Variants in ATXN7 observed in about 807,000 individuals in gnomAD.
ATXN7 encodes the protein ataxin-7.
Under a neutral mutation model 70.5 loss-of-function variants are expected in ATXN7, and 12 were observed. That is an observed-to-expected ratio of 0.17 (90% CI 0.11 to 0.28). The LOEUF (loss-of-function observed/expected upper bound fraction) is 0.28, where lower values mean the gene tolerates loss of function less well. Ranked by LOEUF, ATXN7 falls within the 10% of genes least tolerant of loss-of-function variation. ATXN7 has a pLI of 1.00. For missense variants in ATXN7, 1,256 were observed against 1,131.7 expected, an observed-to-expected ratio of 1.11 and a Z score of -1.58; for synonymous variants, 498 against 448.7, an observed-to-expected ratio of 1.11 and a Z score of -1.39.
intron 1 of ATXN7, among the ~76,000 whole-genome samples, chr3:63,869,792 A>G (rs1702543409): frequency 6.6e-6 from 1 of 152,178 alleles, no homozygotes; most frequent in African/African-American, 2.4e-5. Flanking sequence ...GACCTTCTGG[A>G]ACCATCTTAC....
chr3:63,951,453 T>G (rs751115418), intron 4 of ATXN7, among the ~76,000 whole-genome samples: 29 of 152,220 alleles, frequency 1.9e-4, no homozygotes, highest in Non-Finnish European at 3.7e-4. Flanking sequence ...CTACTAAAAC[T>G]TTTGCTTAAA....
intron 4 of ATXN7, among the ~76,000 whole-genome samples, chr3:63,935,042 G>A (rs2074633167): frequency 6.6e-6 from 1 of 152,110 alleles, no homozygotes; most frequent in African/African-American, 2.4e-5. Context: ...TATATAGAAA[G>A]CCCTGAGCAC....
chr3:63,990,530 A>C, intron 10 of ATXN7, 156 bp downstream of exon 10: 1 of 1,149,844 alleles, frequency 8.7e-7, no homozygotes, highest in Non-Finnish European at 1.2e-6. Flanking sequence ...GGCAGCACAC[A>C]CTCTGTACGG....
chr3:63,973,131 T>C (rs2075340599), intron 5 of ATXN7, among the ~76,000 whole-genome samples: 1 of 152,192 alleles, frequency 6.6e-6, no homozygotes, highest in Non-Finnish European at 1.5e-5. Flanking sequence ...GGTCACCCAA[T>C]TAGTAACTGG....
chr3:63,973,633 G>A (rs1348443496), intron 5 of ATXN7, among the ~76,000 whole-genome samples: 1 of 152,122 alleles, frequency 6.6e-6, no homozygotes, highest in Non-Finnish European at 1.5e-5. Flanking sequence ...TGTTAAGGTT[G>A]TACCTGCGTT....
chr3:63,913,294 C>T (rs557833023), intron 4 of ATXN7, 69 bp downstream of exon 4: 41 of 1,473,784 alleles, frequency 2.8e-5, no homozygotes, highest in South Asian at 2.6e-4. Flanking sequence ...TCACTGGGAC[C>T]GGGAACATCA....
At chr3:63,922,730 T>C (rs1230568618) in intron 4 of ATXN7, among the ~76,000 whole-genome samples, 1 of 152,200 alleles carries the variant, frequency 6.6e-6, no homozygotes, top group Admixed American at 6.5e-5. Flanking sequence ...TTTTCAGTTC[T>C]TGGAAATTTC....
At chr3:63,938,201 A>G (rs557313585) in intron 4 of ATXN7, among the ~76,000 whole-genome samples, 1 of 152,204 alleles carries the variant, frequency 6.6e-6, no homozygotes, top group Non-Finnish European at 1.5e-5. Context: ...CGGGAAGGAC[A>G]AATAGTGAAA....
At chr3:63,973,127 C>T (rs2075340532) in intron 5 of ATXN7, among the ~76,000 whole-genome samples, 1 of 152,262 alleles carries the variant, frequency 6.6e-6, no homozygotes, top group South Asian at 2.1e-4. Flanking sequence ...CCAGGGTCAC[C>T]CAATTAGTAA....
chr3:63,933,692 G>A (rs1340712799), intron 4 of ATXN7, among the ~76,000 whole-genome samples: 1 of 152,200 alleles, frequency 6.6e-6, no homozygotes, highest in African/African-American at 2.4e-5. Context: ...AAAAAGGGAA[G>A]TAAAATTTCC....
In ATXN7 at chr3:63,912,645, C is replaced by T; in HGVS notation, c.47C>T (p.Ala16Val). 2 of 985,496 alleles carry T rather than the reference C, an allele frequency of 2.0e-6. No homozygotes were observed. Among genetic ancestry groups the T allele is most frequent in the Non-Finnish European group, 2.4e-6 (2 of 817,504 alleles). 61.0% of individuals were successfully genotyped at this position (985,496 alleles called of 1,614,324 possible). ...GACGTCAGGGGGGAGCCGCGCCGCGCGGCGGCGGCGGCGGGCGGAGCAGCG... is the reference window on the plus strand; with the variant it reads ...GACGTCAGGGGGGAGCCGCGCCGCGTGGCGGCGGCGGCGGGCGGAGCAGCG... ...ADDVRGEPRR[A>V]AAAAGGAAAA... The change falls in exon 3 of 13, where the codon GCG becomes GTG. Residue 16 changes from alanine to valine, a missense_variant. Coordinates refer to ENST00000674280, the MANE Select transcript of ATXN7 (RefSeq NM_001377405.1).
intron 4 of ATXN7, among the ~76,000 whole-genome samples, chr3:63,937,415 T>C (rs77589516): frequency 0.024 from 3,584 of 152,270 alleles, 77 homozygotes; most frequent in African/African-American, 0.059. Context: ...AATGAACATA[T>C]TTGGAACTCA....
chr3:63,937,912 A>T (rs1575922667), intron 4 of ATXN7, among the ~76,000 whole-genome samples: 1 of 152,230 alleles, frequency 6.6e-6, no homozygotes, highest in Non-Finnish European at 1.5e-5. Context: ...GGATTACGTA[A>T]CATAAAGCAT....
intron 2 of ATXN7, among the ~76,000 whole-genome samples, chr3:63,899,475 T>TA (rs780606771): frequency 1.3e-5 from 2 of 151,464 alleles, no homozygotes; most frequent in African/African-American, 4.8e-5. Context: ...AATTTTGATT[T>TA]AAAAAAACAA....
At chr3:63,869,872 A>G (rs1463438504) in intron 1 of ATXN7, among the ~76,000 whole-genome samples, 1 of 152,172 alleles carries the variant, frequency 6.6e-6, no homozygotes, top group Non-Finnish European at 1.5e-5. Context: ...TTGATGACCT[A>G]TTGGACTTCT....
intron 5 of ATXN7, among the ~76,000 whole-genome samples, chr3:63,977,250 T>C (rs2075403318): frequency 6.6e-6 from 1 of 152,238 alleles, no homozygotes; most frequent in South Asian, 2.1e-4. Context: ...TTTCTTAGTA[T>C]ATCGGTGGCT....
intron 12 of ATXN7, 104 bp downstream of exon 12, chr3:63,996,587 A>T: frequency 1.8e-6 from 2 of 1,139,964 alleles, no homozygotes; most frequent in Non-Finnish European, 2.4e-6. Flanking sequence ...GTTGGTTTGT[A>T]AACAGATATT....
chr3:63,919,430 ACTGT>A (rs1274812554), intron 4 of ATXN7, among the ~76,000 whole-genome samples: 10 of 152,276 alleles, frequency 6.6e-5, no homozygotes, highest in East Asian at 5.8e-4. Context: ...TTATTCTTGA[ACTGT>A]CTATTTTGAA....
At chr3:63,983,120 G>C (rs2075517268) in intron 8 of ATXN7, 99 bp downstream of exon 8, 2 of 982,316 alleles carry the variant, frequency 2.0e-6, no homozygotes, top group African/African-American at 1.6e-5. Context: ...CAGAGAAGAT[G>C]CTCTGTGGAT....
Sources: allele counts gnomAD v4.1 joint callset (sites outside exome capture counted in the v4.1 genomes callset), GRCh38; gene constraint gnomAD v4.1.1; transcripts MANE v1.5; gene names NCBI Gene and HGNC (gene_info 2026-07-23, HGNC 2026-07-21).